The following COBLL1 variants were observed in gnomAD, a reference collection of about 807,000 sequenced individuals.
COBLL1 encodes the protein cordon-bleu protein-like 1.
Under a neutral mutation model 94.8 loss-of-function variants are expected in COBLL1, and 50 were observed. That is an observed-to-expected ratio of 0.53 (90% CI 0.42 to 0.67). COBLL1 has a LOEUF of 0.67. COBLL1 is among the 30% of genes least tolerant of loss of function. COBLL1 has a pLI of 0.00. For synonymous variants in COBLL1, 448 were observed against 473.8 expected (o/e 0.95, Z 0.71); for missense variants, 1,362 against 1,348.7 (o/e 1.01, Z -0.15).
Position 164,681,994 on chromosome 2 carries a change from A to G in COBLL1, c.*3952T>C, listed in dbSNP as rs1482872178. On this transcript the variant is annotated 3_prime_UTR_variant, in exon 14 of 14. Transcript: ENST00000652658. Reference sequence around the variant, plus strand: ...AACATTTAAGAGAAAAGGAAAACCAACTGAAGATTCAGAACAAATAACTTC... The same window carrying G: ...AACATTTAAGAGAAAAGGAAAACCAGCTGAAGATTCAGAACAAATAACTTC... The G allele has an allele frequency of 6.6e-6, 1 of 152,186 alleles. No homozygotes were observed. The highest frequency in any genetic ancestry group is 1.5e-5 in the Non-Finnish European group (1 of 68,028). 9.4% of individuals were successfully genotyped at this position (152,186 alleles called of 1,614,324 possible).
rs73968272 is a variant in COBLL1 at position 164,815,961 on chromosome 2, C to T, written c.41+25195G>A. Among the ~76,000 whole-genome samples, 419 of 152,068 alleles carry T rather than the reference C, an allele frequency of 2.8e-3. 3 individuals carry two copies. Among genetic ancestry groups the T allele is most frequent in the African/African-American group, 9.6e-3 (398 of 41,480 alleles). On this transcript the variant is annotated intron_variant, in intron 2 of 13. Transcript: ENST00000652658. ...ATGGAAAAAACTATTTTTGAAAACC[C>T]AGTAGGGACAAAACAATGTGAGCAA...
intron 7 of COBLL1, chr2:164,718,221 G>A (rs1685273247): frequency 1.0e-6 from 1 of 981,070 alleles, no homozygotes; most frequent in African/African-American, 1.8e-5. Flanking sequence ...ACAGAATTTT[G>A]CTGGAGAACA....
At chr2:164,727,038 TTA>T in intron 5 of COBLL1, 1 of 803,762 alleles carries the variant, frequency 1.2e-6, no homozygotes, top group Non-Finnish European at 2.0e-6. Context: ...AAGGGTAAAA[TTA>T]GAAGCTTAAT....
chr2:164,664,438 C>T (rs899140433), intron 2 of COBLL1, among the ~76,000 whole-genome samples: 3 of 152,180 alleles, frequency 2.0e-5, no homozygotes. Flanking sequence ...TATTATATTT[C>T]TTACATTGAA....
rs1157515623 is a variant in COBLL1 at position 164,805,307 on chromosome 2, C to A, written c.41+35849G>T. Among the ~76,000 whole-genome samples the A allele has an allele frequency of 6.8e-3, 218 of 31,976 alleles. 23 individuals carry two copies. The highest frequency in any genetic ancestry group is 0.031 in the African/African-American group (205 of 6,628). 21.0% of individuals were successfully genotyped at this position (31,976 alleles called of 152,430 possible). On this transcript the variant is annotated intron_variant, in intron 2 of 13. Coordinates refer to ENST00000652658, the MANE Select transcript of COBLL1 (RefSeq NM_001365672.2). ...TGTCTGTCTCTCTCTCTCTCTCTCTCTCTCTCTCTCTCTCTCTCTCTCTCT... is the reference window on the plus strand; with the variant it reads ...TGTCTGTCTCTCTCTCTCTCTCTCTATCTCTCTCTCTCTCTCTCTCTCTCT...
intron 2 of COBLL1, among the ~76,000 whole-genome samples, chr2:164,773,489 A>T (rs548506909): frequency 1.3e-5 from 2 of 152,290 alleles, no homozygotes; most frequent in South Asian, 4.1e-4. Context: ...TAATGCATTA[A>T]GAAAAAAATT....
At chr2:164,792,701 G>T (rs1683252887) in intron 2 of COBLL1, among the ~76,000 whole-genome samples, 1 of 152,104 alleles carries the variant, frequency 6.6e-6, no homozygotes, top group South Asian at 2.1e-4. Context: ...AGAGGAAAAA[G>T]ACATAATTGT....
intron 2 of COBLL1, among the ~76,000 whole-genome samples, chr2:164,825,429 G>T (rs1030118057): frequency 6.6e-6 from 1 of 151,910 alleles, no homozygotes; most frequent in Non-Finnish European, 1.5e-5. Flanking sequence ...TTTCCATTAC[G>T]TTTACTTAGG....
intron 13 of COBLL1, among the ~76,000 whole-genome samples, chr2:164,686,271 G>C (rs905178390): frequency 6.6e-6 from 1 of 151,994 alleles, no homozygotes; most frequent in Non-Finnish European, 1.5e-5. Flanking sequence ...AATCTGTACA[G>C]AATTACCAAA....
chr2:164,828,709 T>A (rs1685553943), intron 2 of COBLL1, among the ~76,000 whole-genome samples: 1 of 152,178 alleles, frequency 6.6e-6, no homozygotes. Flanking sequence ...ACTAAGAAAC[T>A]GACATTTTAA....
At chr2:164,740,777 G>A (rs1686547013) in intron 3 of COBLL1, among the ~76,000 whole-genome samples, 1 of 152,158 alleles carries the variant, frequency 6.6e-6, no homozygotes, top group African/African-American at 2.4e-5. Context: ...GAAGATTTTG[G>A]AAGCCAGAGT....
At chr2:164,741,645 G>C (rs1686601356) in intron 3 of COBLL1, among the ~76,000 whole-genome samples, 1 of 152,016 alleles carries the variant, frequency 6.6e-6, no homozygotes, top group Non-Finnish European at 1.5e-5. Context: ...AAAAACTGCA[G>C]CAATTCAACA....
chr2:164,803,323 T>C (rs907841443), intron 2 of COBLL1, among the ~76,000 whole-genome samples: 1 of 152,084 alleles, frequency 6.6e-6, no homozygotes, highest in African/African-American at 2.4e-5. Flanking sequence ...CCCAGCACTT[T>C]GGGAGGCCGA....
intron 5 of COBLL1, 39 bp downstream of exon 5, chr2:164,727,930 C>T (rs746443822): frequency 4.5e-6 from 6 of 1,346,220 alleles, no homozygotes; most frequent in Middle Eastern, 1.9e-4. Context: ...TACAAATATA[C>T]ACATCCCACT....
chr2:164,805,333 C>CTATATATATA (rs1406604214), intron 2 of COBLL1, among the ~76,000 whole-genome samples: 42 of 20,540 alleles, frequency 2.0e-3, no homozygotes, highest in African/African-American at 3.4e-3. Context: ...CTCTCTCTCT[C>CTATATATATA]TCTCTATATA....
chr2:164,707,975 T>C (rs747071884), intron 7 of COBLL1, among the ~76,000 whole-genome samples: 13 of 152,154 alleles, frequency 8.5e-5, no homozygotes, highest in South Asian at 2.1e-4. Context: ...GAGTTAGCCA[T>C]GCTCTTTGCC....
chr2:164,694,882 G>C lies in COBLL1; in HGVS notation c.2510C>G (p.Pro837Arg), dbSNP rs747863156. 5.0e-6 allele frequency: 8 copies of C among 1,613,978 alleles called. No homozygotes were observed. The highest frequency in any genetic ancestry group is 6.8e-6 in the Non-Finnish European group (8 of 1,179,942). ...TATTTCTTCCAAATTTGGTGCAAAA[G>C]GAGCTGTGCCAGTGTCTCTTGTCAT... ...PKMTRDTGTA[P>R]FAPNLEEINN... Residue 837 changes from proline (P) to arginine (R), a missense_variant, in exon 12 of 14, where the codon CCT becomes CGT. Pro to Arg is a moderately radical substitution (Grantham distance 103). Coordinates refer to ENST00000652658, the MANE Select transcript of COBLL1 (RefSeq NM_001365672.2).
Position 164,686,031 on chromosome 2 carries a change from A to C in COBLL1, c.3302T>G (p.Val1101Gly). The change falls in exon 14 of 14, where the codon GTT (valine) becomes GGT (glycine). Residue 1101 changes from valine to glycine, a missense_variant and splice_region_variant. Transcript: ENST00000652658. ...SGEAAAKLKR[V>G]TIPSNTISVN... ...AGATATTGTATTTGATGGAATGGTAACCTAAGAGAAAGAAACACACTTTGC... is the reference window on the plus strand; with the variant it reads ...AGATATTGTATTTGATGGAATGGTACCCTAAGAGAAAGAAACACACTTTGC... 10 of 1,581,352 alleles carry C rather than the reference A, an allele frequency of 6.3e-6. No individual in the cohort carries two copies. The highest frequency in any genetic ancestry group is 8.7e-6 in the Non-Finnish European group (10 of 1,154,882).
At chr2:164,811,695 C>T (rs1684464463) in intron 2 of COBLL1, among the ~76,000 whole-genome samples, 2 of 151,428 alleles carry the variant, frequency 1.3e-5, no homozygotes, top group South Asian at 2.1e-4. Context: ...GTGAAAGAAT[C>T]GACAAGACAT....
Sources: gnomAD v4.1 joint callset for allele counts (sites outside exome capture counted in the v4.1 genomes callset) on GRCh38, gnomAD v4.1.1 for gene constraint, MANE v1.5 for transcripts, NCBI Gene and HGNC (gene_info 2026-07-23, HGNC 2026-07-21) for gene names.